OSTM1: variants seen among roughly 807,000 people sequenced by gnomAD.
OSTM1 encodes osteopetrosis-associated transmembrane protein 1.
A neutral mutation model predicts 35.4 loss-of-function variants in OSTM1; 26 were observed. The observed-to-expected ratio is 0.73, with a 90% CI of 0.54 to 1.02. The LOEUF is 1.02. Ranked by LOEUF, OSTM1 falls within the 50% of genes least tolerant of loss-of-function variation. The probability of loss-of-function intolerance (pLI) is 0.00; values close to 1 mark genes in which losing one functional copy is unlikely to be tolerated. For synonymous variants in OSTM1, 181 were observed against 165.0 expected (o/e 1.10, Z -0.75); for missense variants, 366 against 409.6 (o/e 0.89, Z 0.92).
intron 2 of OSTM1, among the ~76,000 whole-genome samples, chr6:108,058,618 T>C (rs1482482876): frequency 6.6e-6 from 1 of 151,862 alleles, no homozygotes; most frequent in Non-Finnish European, 1.5e-5. Flanking sequence ...CAACTAAAAA[T>C]ACAAAAAAAG....
chr6:108,051,425 T>C (rs1772071760), intron 3 of OSTM1, among the ~76,000 whole-genome samples: 2 of 152,316 alleles, frequency 1.3e-5, no homozygotes, highest in Middle Eastern at 3.4e-3. Flanking sequence ...AGACCCGGTA[T>C]GTGAAGCAGA....
intron 3 of OSTM1, 132 bp from the exon 4 acceptor site, chr6:108,051,330 T>TA: frequency 6.0e-6 from 4 of 667,298 alleles, no homozygotes; most frequent in Middle Eastern, 8.2e-4. Flanking sequence ...TGATGTTGAG[T>TA]AGGTTACTAA....
chr6:108,064,656 C>T (rs563573346), intron 1 of OSTM1, among the ~76,000 whole-genome samples: 27 of 152,240 alleles, frequency 1.8e-4, no homozygotes, highest in Admixed American at 3.9e-4. Context: ...TCCTTCGTGC[C>T]CCAAGCAAGG....
intron 5 of OSTM1, among the ~76,000 whole-genome samples, 197 bp from the exon 6 acceptor site, chr6:108,045,037 C>A (rs1771942788): frequency 6.6e-6 from 1 of 152,080 alleles, no homozygotes; most frequent in Admixed American, 6.6e-5. Flanking sequence ...TTAGAAATTG[C>A]ACATGACTTT....
At position 108,042,496 on chromosome 6, in the gene OSTM1, A is replaced by T. The variant is rs1448178703; in HGVS notation, c.*2289T>A. ...AGTGGTACAATCTTGGCTCATTGCA[A>T]CCTCCACCTCCCGGGCTCAAGACAT... On this transcript the variant is annotated 3_prime_UTR_variant, in exon 6 of 6. Transcript: ENST00000193322. 1 of 148,936 alleles carries T rather than the reference A, an allele frequency of 6.7e-6. No individual in the cohort carries two copies. Among genetic ancestry groups the T allele is most frequent in the East Asian group, 2.0e-4 (1 of 5,086 alleles). The allele number at this position is 148,936 out of a possible 1,614,324, so 9.2% of individuals were successfully genotyped here.
intron 1 of OSTM1, among the ~76,000 whole-genome samples, chr6:108,070,254 G>A (rs912439211): frequency 6.6e-6 from 1 of 151,964 alleles, no homozygotes; most frequent in Middle Eastern, 3.2e-3. Flanking sequence ...GGCTAGGCTG[G>A]TCTCAAACTC....
intron 3 of OSTM1, among the ~76,000 whole-genome samples, chr6:108,052,657 T>C (rs1468011262): frequency 6.6e-6 from 1 of 152,060 alleles, no homozygotes; most frequent in Non-Finnish European, 1.5e-5. Flanking sequence ...CCACAATTTT[T>C]ATTCAAATTT....
At chr6:108,068,416 G>A (rs1241292003) in intron 1 of OSTM1, among the ~76,000 whole-genome samples, 5 of 152,038 alleles carry the variant, frequency 3.3e-5, no homozygotes, top group South Asian at 2.1e-4. Context: ...AAATCAACAC[G>A]TTCAAAACTG....
At chr6:108,058,642 G>T (rs2114600904) in intron 2 of OSTM1, among the ~76,000 whole-genome samples, 1 of 152,270 alleles carries the variant, frequency 6.6e-6, no homozygotes, top group South Asian at 2.1e-4. Flanking sequence ...GCCGGGCGTG[G>T]TGGTGGGCAC....
rs544082730 is a variant in OSTM1, at chr6:108,073,695, T to C, written c.402+555A>G. 1.2e-3 allele frequency: 194 copies of C among 158,326 alleles called. 1 individual carries two copies. Among genetic ancestry groups the C allele is most frequent in the Non-Finnish European group, 2.3e-3 (165 of 71,748 alleles). The allele number at this position is 158,326 out of a possible 1,614,324, so 9.8% of individuals were successfully genotyped here. On this transcript the variant is annotated intron_variant, in intron 1 of 5. Coordinates refer to ENST00000193322, the MANE Select transcript of OSTM1 (RefSeq NM_014028.4). ...CTGGCCGCTAGCTAGCTCCAGACTG[T>C]TCACATCACTAAGATGAAGTCACAG...
chr6:108,063,348 T>C (rs1396519156), intron 2 of OSTM1, among the ~76,000 whole-genome samples: 2 of 152,212 alleles, frequency 1.3e-5, no homozygotes, highest in African/African-American at 2.4e-5. Context: ...TGTCCAATAG[T>C]ACAGGCCTAG....
chr6:108,063,003 T>C (rs1056822241), intron 2 of OSTM1, among the ~76,000 whole-genome samples: 2 of 61,574 alleles, frequency 3.2e-5, no homozygotes, highest in Admixed American at 1.7e-4. Flanking sequence ...GCAATGTCCT[T>C]CTCTCATTTC....
intron 4 of OSTM1, among the ~76,000 whole-genome samples, chr6:108,050,358 CTTTTTTTT>C (rs759901355): frequency 7.6e-5 from 8 of 104,836 alleles, no homozygotes; most frequent in Non-Finnish European, 1.1e-4. Flanking sequence ...CCAGAAACGT[CTTTTTTTT>C]TTTTTTTTTT....
chr6:108,060,585 G>A (rs1772255614), intron 2 of OSTM1, among the ~76,000 whole-genome samples: 2 of 151,902 alleles, frequency 1.3e-5, no homozygotes, highest in East Asian at 1.9e-4. Context: ...AGGCATCCTC[G>A]TGCTGCCTGT....
chr6:108,074,490 C>T lies in OSTM1; in HGVS notation c.162G>A (p.Glu54=), dbSNP rs369890489. The change falls in exon 1 of 6, where the codon GAG becomes GAA. Residue 54 remains glutamate, a synonymous_variant. Coordinates refer to ENST00000193322, the MANE Select transcript of OSTM1 (RefSeq NM_014028.4). The part of the protein sequence containing the change: ...HDLLSEQQLL[E]VEDLSLSLLQ... ...GGAGGGACAGGGACAAGTCCTCCAC[C>T]TCCAGCAACTGCTGCTCCGACAGGA... 38 of 1,558,082 alleles carry T rather than the reference C, an allele frequency of 2.4e-5. No homozygotes were observed. Among genetic ancestry groups the T allele is most frequent in the African/African-American group, 6.8e-5 (5 of 73,410 alleles).
rs187066503 is a variant in OSTM1, at chr6:108,052,244, C to T, written c.616-1046G>A. Among the ~76,000 whole-genome samples, 1,032 of 152,212 alleles carry T rather than the reference C, an allele frequency of 6.8e-3. 12 individuals carry two copies. The highest frequency in any genetic ancestry group is 0.024 in the African/African-American group (980 of 41,534). On this transcript the variant is annotated intron_variant, in intron 3 of 5. Coordinates refer to ENST00000193322, the MANE Select transcript of OSTM1 (RefSeq NM_014028.4). ...GGTCAGGAGATCGAGACCATCCTGG[C>T]TAACACGGTGAAACCCCATCTCTAC...
chr6:108,046,302 G>T (rs567083899), intron 5 of OSTM1, among the ~76,000 whole-genome samples: 1 of 147,476 alleles, frequency 6.8e-6, no homozygotes, highest in South Asian at 2.1e-4. Context: ...TTACAGGCGT[G>T]AGCCACCGTG....
Position 108,074,695 on chromosome 6 carries a change from C to A in OSTM1, c.-44G>T. ...CAGGGAGCCCACCGCCGCCTCTCCG[C>A]CCCCAGCCGGCACCGCGGACAGCCG... On this transcript the variant is annotated 5_prime_UTR_variant, in exon 1 of 6. Coordinates refer to ENST00000193322, the MANE Select transcript of OSTM1 (RefSeq NM_014028.4). 2.0e-6 allele frequency: 3 copies of A among 1,486,394 alleles called. No homozygotes were observed. The highest frequency in any genetic ancestry group is 1.3e-5 in the South Asian group (1 of 78,810). The allele number at this position is 1,486,394 out of a possible 1,614,324, so 92.1% of individuals were successfully genotyped here. A position where few individuals can be genotyped will look rare whatever the true frequency, so the allele number is the denominator to read the frequency against.
chr6:108,053,373 C>T (rs1772114988), intron 3 of OSTM1, among the ~76,000 whole-genome samples: 1 of 152,182 alleles, frequency 6.6e-6, no homozygotes, highest in African/African-American at 2.4e-5. Flanking sequence ...TTGAGTGTTA[C>T]AACACACATC....
Sources: gnomAD v4.1 joint callset for allele counts (sites outside exome capture counted in the v4.1 genomes callset) on GRCh38, gnomAD v4.1.1 for gene constraint, MANE v1.5 for transcripts, NCBI Gene and HGNC (gene_info 2026-07-23, HGNC 2026-07-21) for gene names.